The following TGFBR2 variants were observed in gnomAD, a reference collection of about 807,000 sequenced individuals.
The protein encoded by TGFBR2 is transforming growth factor beta receptor 2.
TGFBR2 carries 18 observed loss-of-function variants against 49.0 expected under a neutral mutation model. That is an observed-to-expected ratio of 0.37 (90% CI 0.25 to 0.54). The LOEUF (loss-of-function observed/expected upper bound fraction) is 0.54, where lower values mean the gene tolerates loss of function less well. Ranked by LOEUF, TGFBR2 falls within the 20% of genes least tolerant of loss-of-function variation. TGFBR2 has a pLI of 0.85. For synonymous variants in TGFBR2, 282 were observed against 275.9 expected (o/e 1.02, Z -0.22); for missense variants, 525 against 722.6 (o/e 0.73, Z 3.13).
At chr3:30,651,179 A>G (rs1178911376) in intron 3 of TGFBR2, among the ~76,000 whole-genome samples, 2 of 152,208 alleles carry the variant, frequency 1.3e-5, no homozygotes, top group Admixed American at 1.3e-4. Context: ...GTTTTTAATT[A>G]CAAAAGTAGT....
intron 3 of TGFBR2, among the ~76,000 whole-genome samples, chr3:30,666,044 A>C (rs1334538055): frequency 1.3e-5 from 2 of 152,230 alleles, no homozygotes; most frequent in East Asian, 3.8e-4. Context: ...ACAAACTCAT[A>C]GGTACAGCTG....
chr3:30,622,976 A>G (rs921467318), intron 1 of TGFBR2, among the ~76,000 whole-genome samples: 2 of 151,974 alleles, frequency 1.3e-5, no homozygotes, highest in African/African-American at 4.8e-5. Context: ...TGATTTGAAT[A>G]ATTTCAGTAT....
At chr3:30,665,055 T>C (rs745990422) in intron 3 of TGFBR2, among the ~76,000 whole-genome samples, 22 of 152,224 alleles carry the variant, frequency 1.4e-4, no homozygotes, top group Non-Finnish European at 2.9e-4. Flanking sequence ...GGTGTATTAG[T>C]GCACTAATGA....
intron 1 of TGFBR2, among the ~76,000 whole-genome samples, chr3:30,625,094 CTG>C (rs889450277): frequency 2.6e-5 from 4 of 152,122 alleles, no homozygotes; most frequent in Non-Finnish European, 2.9e-5. Flanking sequence ...TCTTTAAAAA[CTG>C]TAATTTTTAC....
rs1197159388 is a variant in TGFBR2 at position 30,625,803 on chromosome 3, T to A, written c.94+18826T>A. On this transcript the variant is annotated intron_variant, in intron 1 of 6. Coordinates refer to ENST00000295754, the MANE Select transcript of TGFBR2 (RefSeq NM_003242.6). ...AATAATGTTCTGGTTATAATGCAGT[T>A]TGCAGTTTTTCTAGTTACAGCTCAA... is the stretch of plus-strand genomic sequence containing the variant. 2.0e-5 allele frequency among the ~76,000 whole-genome samples: 3 copies of A among 152,174 alleles called. No homozygotes were observed. In the East Asian group the frequency reaches 5.8e-4, roughly 29 times the overall value.
chr3:30,658,746 C>T (rs1699055050), intron 3 of TGFBR2, among the ~76,000 whole-genome samples: 1 of 152,176 alleles, frequency 6.6e-6, no homozygotes, highest in African/African-American at 2.4e-5. Context: ...GGTTTGCTAG[C>T]CTATCTCTGG....
intron 3 of TGFBR2, among the ~76,000 whole-genome samples, chr3:30,660,541 C>A (rs563889272): frequency 1.4e-4 from 21 of 152,212 alleles, no homozygotes; most frequent in Non-Finnish European, 2.8e-4. Context: ...CCCCTGTAGC[C>A]TGGAAAGGGA....
intron 3 of TGFBR2, among the ~76,000 whole-genome samples, chr3:30,663,418 G>T (rs1699183224): frequency 6.6e-6 from 1 of 152,120 alleles, no homozygotes; most frequent in Admixed American, 6.5e-5. Context: ...ACCATTTCAT[G>T]TACTTTATAA....
intron 3 of TGFBR2, among the ~76,000 whole-genome samples, chr3:30,664,424 G>A (rs1699208080): frequency 6.6e-6 from 1 of 152,096 alleles, no homozygotes; most frequent in Non-Finnish European, 1.5e-5. Flanking sequence ...ATAGAGGCCA[G>A]ACTTAGTTGC....
At chr3:30,656,944 G>A (rs137889924) in intron 3 of TGFBR2, among the ~76,000 whole-genome samples, 1 of 152,348 alleles carries the variant, frequency 6.6e-6, no homozygotes, top group Admixed American at 6.5e-5. Context: ...CTCTGAATGT[G>A]TGCACCTGTG....
intron 1 of TGFBR2, among the ~76,000 whole-genome samples, chr3:30,636,854 G>A (rs999521482): frequency 1.3e-5 from 2 of 151,972 alleles, no homozygotes; most frequent in African/African-American, 4.8e-5. Context: ...CACGAGGTCA[G>A]GAGATCGAGA....
At chr3:30,623,369 T>C in intron 1 of TGFBR2, 1 of 1,456,544 alleles carries the variant, frequency 6.9e-7, no homozygotes, top group Non-Finnish European at 9.6e-7. Flanking sequence ...TAAAAATCTA[T>C]AGTCTCCTCG....
intron 5 of TGFBR2, among the ~76,000 whole-genome samples, chr3:30,679,606 T>G (rs1321668722): frequency 2.0e-5 from 3 of 152,164 alleles, no homozygotes; most frequent in African/African-American, 7.2e-5. Flanking sequence ...AAGGAATAAT[T>G]ACCACTTCTT....
intron 1 of TGFBR2, among the ~76,000 whole-genome samples, chr3:30,608,179 C>A (rs1268090156): frequency 6.6e-6 from 1 of 152,050 alleles, no homozygotes; most frequent in Admixed American, 6.6e-5. Flanking sequence ...CCTCGTGATC[C>A]GCCCACCTTG....
At chr3:30,675,968 T>C (rs900301654) in intron 5 of TGFBR2, among the ~76,000 whole-genome samples, 1 of 152,226 alleles carries the variant, frequency 6.6e-6, no homozygotes, top group Non-Finnish European at 1.5e-5. Flanking sequence ...CTTAGTCTCC[T>C]TGACCTTGTG....
At chr3:30,609,341 A>G (rs1413179216) in intron 1 of TGFBR2, among the ~76,000 whole-genome samples, 2 of 152,210 alleles carry the variant, frequency 1.3e-5, no homozygotes, top group Non-Finnish European at 2.9e-5. Flanking sequence ...TAAACTGAAA[A>G]CATTTTTTCA....
chr3:30,637,471 A>T (rs1170183091), intron 1 of TGFBR2, among the ~76,000 whole-genome samples: 1 of 152,168 alleles, frequency 6.6e-6, no homozygotes, highest in Non-Finnish European at 1.5e-5. Context: ...GGGTCACCCC[A>T]TTGGCCAAAC....
chr3:30,662,712 C>T (rs896659222), intron 3 of TGFBR2, among the ~76,000 whole-genome samples: 6 of 152,204 alleles, frequency 3.9e-5, no homozygotes, highest in Admixed American at 3.9e-4. Context: ...TCATTCTACA[C>T]TCCTCCACCA....
intron 1 of TGFBR2, among the ~76,000 whole-genome samples, chr3:30,634,175 G>A (rs1044091445): frequency 6.6e-6 from 1 of 152,070 alleles, no homozygotes; most frequent in Admixed American, 6.6e-5. Context: ...ATTGATATTC[G>A]GACCAAATCC....
Sources: gnomAD v4.1 joint callset for allele counts (sites outside exome capture counted in the v4.1 genomes callset) on GRCh38, gnomAD v4.1.1 for gene constraint, MANE v1.5 for transcripts, NCBI Gene and HGNC (gene_info 2026-07-23, HGNC 2026-07-21) for gene names.